The following CD83 variants were observed in gnomAD, a reference collection of about 807,000 sequenced individuals.
The protein encoded by CD83 is CD83 molecule, also known as CD83 antigen.
In CD83, 22 loss-of-function variants were observed where a neutral mutation model predicts 24.6. The observed-to-expected ratio is 0.90, with a 90% CI of 0.64 to 1.28. CD83 has a LOEUF of 1.28. Ranked by LOEUF, CD83 falls within the 50% of genes most tolerant of loss-of-function variation. CD83 has a pLI of 0.00. For synonymous variants in CD83, 101 were observed against 103.5 expected (o/e 0.98, Z 0.14); for missense variants, 253 against 252.8 (o/e 1.00, Z -0.01).
chr6:14,117,531 G>A (rs1252678763), upstream of CD83: 1 of 149,800 alleles, frequency 6.7e-6, no homozygotes, highest in Non-Finnish European at 1.5e-5. The surrounding 1 kb of genome is among the most constrained non-coding windows in gnomAD (Gnocchi z 4.6). Flanking sequence ...GCGAACTCGG[G>A]GCGCCCGGCC....
chr6:14,125,159 C>G (rs1388638506), intron 2 of CD83, among the ~76,000 whole-genome samples: 2 of 152,208 alleles, frequency 1.3e-5, no homozygotes, highest in African/African-American at 4.8e-5. Flanking sequence ...CTTCTGGCCT[C>G]CTGAACTGTG....
Position 14,133,715 on chromosome 6 carries a change from C to T in CD83, c.449C>T (p.Ala150Val), listed in dbSNP as rs1156519887. 14 of 1,613,564 alleles carry T rather than the reference C, an allele frequency of 8.7e-6. No homozygotes were observed. The highest frequency in any genetic ancestry group is 1.1e-5 in the Non-Finnish European group (13 of 1,179,478). ...KYRAEIVLLLALVIFYLTLII... is the reference protein window; with the variant it reads ...KYRAEIVLLLVLVIFYLTLII... The stretch of plus-strand genomic sequence containing the variant: ...AGAGCGGAGATTGTCCTGCTGCTGG[C>T]TCTGGTTATTTTCTACTTAACACTC... The change falls in exon 4 of 5, where the codon GCT becomes GTT. Residue 150 changes from alanine to valine, a missense_variant. By Grantham distance (64) the Ala-to-Val change is moderately conservative (BLOSUM62 0). Transcript: ENST00000379153.
chr6:14,125,151 T>TCTGGCCTC (rs1303313868), intron 2 of CD83, among the ~76,000 whole-genome samples: 1 of 152,240 alleles, frequency 6.6e-6, no homozygotes, highest in East Asian at 1.9e-4. Context: ...ATTTTGGACT[T>TCTGGCCTC]CTGGCCTCCT....
intron 4 of CD83, 83 bp from the exon 5 acceptor site, chr6:14,135,025 C>G (rs1027648873): frequency 2.8e-6 from 4 of 1,416,110 alleles, no homozygotes; most frequent in South Asian, 1.2e-5. Flanking sequence ...CTAGCCAGCT[C>G]TTAGTGAATA....
chr6:14,131,892 A>G (rs912911915), intron 3 of CD83, 144 bp downstream of exon 3: 5 of 625,426 alleles, frequency 8.0e-6, no homozygotes, highest in Admixed American at 2.8e-5. Context: ...CGCTGCAAGC[A>G]TGTCACCATT....
At chr6:14,126,653 A>T (rs537965724) in intron 2 of CD83, among the ~76,000 whole-genome samples, 2 of 152,364 alleles carry the variant, frequency 1.3e-5, no homozygotes, top group Admixed American at 6.5e-5. Flanking sequence ...AGAAAAAAAG[A>T]TATTAATGCT....
At position 14,131,552 on chromosome 6, in the gene CD83, A is replaced by C; in HGVS notation, c.186A>C (p.Thr62=). The change falls in exon 3 of 5, where the codon ACA becomes ACC. Residue 62 remains threonine (T), a synonymous_variant. Coordinates refer to ENST00000379153, the MANE Select transcript of CD83 (RefSeq NM_004233.4). ...LLEGGEERME[T]PQEDHLRGQH... The stretch of plus-strand genomic sequence containing the variant: ...AGGGTGGTGAAGAGAGGATGGAGAC[A>C]CCCCAGGAAGACCACCTCAGGGGAC... 1 of 1,614,048 alleles carries C rather than the reference A, an allele frequency of 6.2e-7. No individual in the cohort carries two copies.
At position 14,129,482 on chromosome 6, in the gene CD83, A is replaced by G. The variant is rs1484068869; in HGVS notation, c.154-2038A>G. Among the ~76,000 whole-genome samples the G allele has an allele frequency of 1.3e-5, 2 of 152,250 alleles. No individual in the cohort carries two copies. The highest frequency in any genetic ancestry group is 2.9e-5 in the Non-Finnish European group (2 of 68,046). ...CAGATGGACACTGTTAGTTTCCTCTAAATTTCCTTGGCCCCACCTCCTTTT... is the reference window on the plus strand; with the variant it reads ...CAGATGGACACTGTTAGTTTCCTCTGAATTTCCTTGGCCCCACCTCCTTTT... On this transcript the variant is annotated intron_variant, in intron 2 of 4. Coordinates refer to ENST00000379153, the MANE Select transcript of CD83 (RefSeq NM_004233.4). This position sits in a 1 kb window ranked among gnomAD's most constrained non-coding sequence, Gnocchi z 4.3.
At chr6:14,117,691 C>T (rs888677699), upstream of CD83, 2 of 686,728 alleles carry the variant, frequency 2.9e-6, no homozygotes, top group Admixed American at 4.3e-5. The surrounding 1 kb of genome is among the most constrained non-coding windows in gnomAD (Gnocchi z 4.6). Flanking sequence ...CTTCCGCTGC[C>T]CGCCGGGGAA....
At chr6:14,124,237 A>C (rs1243667916) in intron 2 of CD83, among the ~76,000 whole-genome samples, 1 of 152,226 alleles carries the variant, frequency 6.6e-6, no homozygotes, top group East Asian at 1.9e-4. Flanking sequence ...TTGGAGGACC[A>C]GTCTACTGCA....
intron 2 of CD83, among the ~76,000 whole-genome samples, chr6:14,130,032 C>T (rs1476935311): frequency 6.6e-6 from 1 of 152,098 alleles, no homozygotes; most frequent in East Asian, 1.9e-4. Context: ...TTGATAGGTG[C>T]AAGCAAAGAC....
chr6:14,135,197 T>C lies in CD83; in HGVS notation c.579T>C (p.His193=). 1 of 1,614,094 alleles carries C rather than the reference T, an allele frequency of 6.2e-7. No individual in the cohort carries two copies. The highest frequency in any genetic ancestry group is 8.5e-7 in the Non-Finnish European group (1 of 1,179,958). The part of the protein sequence containing the change: ...AFLPVTSPNK[H]LGLVTPHKTE... The stretch of plus-strand genomic sequence containing the variant: ...TCCCAGTTACCTCCCCAAATAAGCA[T>C]TTAGGGCTAGTGACTCCTCACAAGA... Residue 193 remains histidine (H), a synonymous_variant, in exon 5 of 5, where the codon CAT becomes CAC. Coordinates refer to ENST00000379153, the MANE Select transcript of CD83 (RefSeq NM_004233.4).
chr6:14,118,194 C>T (rs1759586885), intron 2 of CD83, 129 bp downstream of exon 2: 7 of 626,186 alleles, frequency 1.1e-5, no homozygotes, highest in Admixed American at 3.2e-5. Flanking sequence ...CGCAGCTGAA[C>T]TTGGAGTACC....
intron 2 of CD83, among the ~76,000 whole-genome samples, chr6:14,124,662 G>A (rs750491557): frequency 5.3e-5 from 8 of 152,114 alleles, no homozygotes; most frequent in Non-Finnish European, 1.2e-4. Context: ...GAGTCTTTCA[G>A]TTGTGAGGGA....
At chr6:14,122,617 G>A (rs1232262445) in intron 2 of CD83, among the ~76,000 whole-genome samples, 2 of 151,938 alleles carry the variant, frequency 1.3e-5, no homozygotes, top group Non-Finnish European at 2.9e-5. Context: ...ATTGAATTAT[G>A]AAAACAATGT....
chr6:14,128,400 A>G (rs536204570), intron 2 of CD83, among the ~76,000 whole-genome samples: 2 of 152,310 alleles, frequency 1.3e-5, no homozygotes, highest in South Asian at 4.1e-4. Flanking sequence ...ATAAACCCCA[A>G]ATTCCACAGC....
At chr6:14,124,587 A>C (rs971080996) in intron 2 of CD83, among the ~76,000 whole-genome samples, 1 of 152,198 alleles carries the variant, frequency 6.6e-6, no homozygotes, top group Non-Finnish European at 1.5e-5. Context: ...GGCTGGAGCC[A>C]TGTGCCAATA....
rs1225857194 is a variant in CD83, at chr6:14,117,927, G to A, written c.38-23G>A. On this transcript the variant is annotated intron_variant, in intron 1 of 4. Transcript: ENST00000379153. The surrounding 1 kb of genome is among the most constrained non-coding windows in gnomAD (Gnocchi z 4.6). ...CCCCTCCCGTCGGTCGCTTGCTCAC[G>A]ACGCGCTCTCTCTTTCTTGTAGCCT... 2 of 1,595,948 alleles carry A rather than the reference G, an allele frequency of 1.3e-6. No homozygotes were observed. Among genetic ancestry groups the A allele is most frequent in the Non-Finnish European group, 1.7e-6 (2 of 1,174,288 alleles).
chr6:14,117,305 T>C (rs1759548579), upstream of CD83: 1 of 152,180 alleles, frequency 6.6e-6, no homozygotes, highest in Non-Finnish European at 1.5e-5. The surrounding 1 kb of genome is among the most constrained non-coding windows in gnomAD (Gnocchi z 4.6). Flanking sequence ...CACCAGTGCG[T>C]TCCCAAGGAC....
Sources: allele counts gnomAD v4.1 joint callset (sites outside exome capture counted in the v4.1 genomes callset), GRCh38; gene constraint gnomAD v4.1.1; non-coding constraint Gnocchi (gnomAD v3.1); transcripts MANE v1.5; gene names NCBI Gene and HGNC (gene_info 2026-07-23, HGNC 2026-07-21).